SLC9A8: variants seen among roughly 807,000 people sequenced by gnomAD.
SLC9A8 encodes the protein sodium/hydrogen exchanger 8.
Under a neutral mutation model 66.6 loss-of-function variants are expected in SLC9A8, and 48 were observed. That is an observed-to-expected ratio of 0.72 (90% confidence interval 0.57 to 0.92). SLC9A8 has a LOEUF of 0.92. Among genes scored for constraint, SLC9A8 ranks in the 40% least tolerant of loss-of-function variants. The pLI, the probability that SLC9A8 is intolerant of heterozygous loss-of-function variation, is 0.00. For missense variants in SLC9A8, 599 were observed against 747.3 expected (o/e 0.80, Z 2.31); for synonymous variants, 274 against 282.6 (o/e 0.97, Z 0.31).
Position 49,864,812 on chromosome 20 carries a change from C to T in SLC9A8, c.926C>T (p.Pro309Leu), listed in dbSNP as rs1358872226. ...ATGATGATCATTTTTGCTTATCTGCCTTATGGGCTTGCAGAAGGAATCTCA... is the reference window on the plus strand; with the variant it reads ...ATGATGATCATTTTTGCTTATCTGCTTTATGGGCTTGCAGAAGGAATCTCA... ...FGMMIIFAYLPYGLAEGISLS... is the reference protein window; with the variant it reads ...FGMMIIFAYLLYGLAEGISLS... Residue 309 changes from proline to leucine, a missense_variant, in exon 10 of 16, where the codon CCT (proline) becomes CTT (leucine). Pro to Leu is a moderately conservative substitution (Grantham distance 98, BLOSUM62 -3). Around this residue, in one of 2 missense-constraint regions of SLC9A8, gnomAD observed 467 missense variants for 626.5 expected, o/e 0.75. Coordinates refer to ENST00000361573, the MANE Select transcript of SLC9A8 (RefSeq NM_015266.3). 1 of 1,613,758 alleles carries T rather than the reference C, an allele frequency of 6.2e-7. No individual in the cohort carries two copies. The highest frequency in any genetic ancestry group is 1.7e-5 in the Admixed American group (1 of 60,008).
At chr20:49,860,253 ATTGT>A (rs1197716416) in intron 8 of SLC9A8, among the ~76,000 whole-genome samples, 1 of 152,050 alleles carries the variant, frequency 6.6e-6, no homozygotes, top group Non-Finnish European at 1.5e-5. Flanking sequence ...GATTGGGGAG[ATTGT>A]TTGTTCAGAT....
At chr20:49,884,311 C>CAG (rs2089799779) in intron 14 of SLC9A8, among the ~76,000 whole-genome samples, 1 of 133,260 alleles carries the variant, frequency 7.5e-6, no homozygotes, top group Non-Finnish European at 1.6e-5. Context: ...CACACACACA[C>CAG]ACACACACAC....
intron 2 of SLC9A8, among the ~76,000 whole-genome samples, chr20:49,817,135 A>T (rs1404361238): frequency 6.6e-6 from 1 of 151,364 alleles, no homozygotes; most frequent in Non-Finnish European, 1.5e-5. Context: ...GGCCAACACG[A>T]TGACTCCATC....
chr20:49,836,338 C>T (rs1438395473), intron 3 of SLC9A8, among the ~76,000 whole-genome samples: 1 of 151,986 alleles, frequency 6.6e-6, no homozygotes, highest in African/African-American at 2.4e-5. Flanking sequence ...TTGGGTTCTT[C>T]CCACTTTTTT....
intron 3 of SLC9A8, among the ~76,000 whole-genome samples, chr20:49,823,855 A>T (rs999237172): frequency 6.6e-6 from 1 of 152,160 alleles, no homozygotes; most frequent in Non-Finnish European, 1.5e-5. Context: ...AGTTTATTAT[A>T]TTGCAGTCAC....
intron 3 of SLC9A8, among the ~76,000 whole-genome samples, chr20:49,828,161 A>G (rs1454631718): frequency 3.4e-5 from 5 of 147,410 alleles, no homozygotes; most frequent in African/African-American, 1.3e-4. Context: ...GCTCACTGCA[A>G]CCTCCGTCTC....
At chr20:49,873,947 C>T (rs2089318719) in intron 10 of SLC9A8, among the ~76,000 whole-genome samples, 1 of 151,790 alleles carries the variant, frequency 6.6e-6, no homozygotes, top group South Asian at 2.1e-4. Context: ...TGCTCAAGTT[C>T]CTTATACAAA....
chr20:49,830,005 G>C, intron 3 of SLC9A8: 1 of 634,986 alleles, frequency 1.6e-6, no homozygotes, highest in African/African-American at 1.8e-5. Flanking sequence ...CCTTGAAGTG[G>C]ATGATGGCCG....
rs368641195 is a variant in SLC9A8, at chr20:49,887,987, C to T, written c.*51C>T. ...GCAGGCCCAGGATGGGCGTTTGCTGCGCACAGACACTCAGCAGGGGCCTCG... is the reference window on the plus strand; with the variant it reads ...GCAGGCCCAGGATGGGCGTTTGCTGTGCACAGACACTCAGCAGGGGCCTCG... On this transcript the variant is annotated 3_prime_UTR_variant, in exon 16 of 16. Transcript: ENST00000361573. The T allele has an allele frequency of 3.9e-5, 54 of 1,395,412 alleles. No homozygotes were observed. Among genetic ancestry groups the T allele is most frequent in the African/African-American group, 7.1e-5 (5 of 70,732 alleles). 86.4% of individuals were successfully genotyped at this position (1,395,412 alleles called of 1,614,324 possible).
intron 2 of SLC9A8, among the ~76,000 whole-genome samples, chr20:49,816,913 A>G (rs919692394): frequency 2.0e-5 from 3 of 151,954 alleles, no homozygotes; most frequent in African/African-American, 7.2e-5. Context: ...TATTTTTAGT[A>G]GAGTTGGCAT....
intron 4 of SLC9A8, among the ~76,000 whole-genome samples, chr20:49,841,751 T>A (rs1350250883): frequency 6.6e-6 from 1 of 151,820 alleles, no homozygotes; most frequent in Non-Finnish European, 1.5e-5. Flanking sequence ...TGTGCCACCA[T>A]GCCCAGCTAA....
chr20:49,830,744 T>G, intron 3 of SLC9A8: 1 of 745,888 alleles, frequency 1.3e-6, no homozygotes. Context: ...TGATGCTGAT[T>G]GTAAACATAG....
At chr20:49,836,150 T>C (rs996166981) in intron 3 of SLC9A8, among the ~76,000 whole-genome samples, 2 of 152,356 alleles carry the variant, frequency 1.3e-5, no homozygotes, top group African/African-American at 4.8e-5. Flanking sequence ...GGACATTTCA[T>C]ATAAATGGAA....
At chr20:49,885,202 T>G (rs924842827) in intron 14 of SLC9A8, among the ~76,000 whole-genome samples, 2 of 152,212 alleles carry the variant, frequency 1.3e-5, no homozygotes, top group Non-Finnish European at 2.9e-5. Flanking sequence ...TTTTTGTTTT[T>G]CACAAAAGCT....
At chr20:49,872,085 C>T (rs566305293) in intron 10 of SLC9A8, among the ~76,000 whole-genome samples, 1 of 152,286 alleles carries the variant, frequency 6.6e-6, no homozygotes, top group East Asian at 1.9e-4. Context: ...CACCATTGCA[C>T]TCCAGCCTGG....
chr20:49,815,988 C>T (rs937170217), intron 2 of SLC9A8, among the ~76,000 whole-genome samples: 2 of 152,108 alleles, frequency 1.3e-5, no homozygotes, highest in Admixed American at 6.6e-5. Context: ...GAGCAGAAAC[C>T]CTTGCCCCAG....
At position 49,867,668 on chromosome 20, in the gene SLC9A8, G is replaced by A. The variant is rs554981916; in HGVS notation, c.958+2824G>A. On this transcript the variant is annotated intron_variant, in intron 10 of 15. Coordinates refer to ENST00000361573, the MANE Select transcript of SLC9A8 (RefSeq NM_015266.3). ...CCTCAGGCAGTCAGCTCAGCAGGGG[G>A]CCTAGGGAAAGAGTGGCCACCTTTG... Among the ~76,000 whole-genome samples, 14 of 152,324 alleles carry A rather than the reference G, an allele frequency of 9.2e-5. No individual in the cohort carries two copies. The East Asian group carries it at 2.7e-3, about 29-fold the overall frequency.
At chr20:49,855,974 T>C (rs1357346620) in intron 8 of SLC9A8, among the ~76,000 whole-genome samples, 1 of 152,100 alleles carries the variant, frequency 6.6e-6, no homozygotes, top group African/African-American at 2.4e-5. Flanking sequence ...AAGAAGTTTT[T>C]GTAGAGATGG....
chr20:49,874,851 A>G, intron 11 of SLC9A8, 30 bp downstream of exon 11: 1 of 1,410,372 alleles, frequency 7.1e-7, no homozygotes, highest in Non-Finnish European at 1.0e-6. Flanking sequence ...GGCCGTGAGC[A>G]GGCCCACCCA....
Sources: allele counts gnomAD v4.1 joint callset (sites outside exome capture counted in the v4.1 genomes callset), GRCh38; gene constraint gnomAD v4.1.1; regional missense constraint gnomAD v4.1.1; transcripts MANE v1.5; gene names NCBI Gene and HGNC (gene_info 2026-07-23, HGNC 2026-07-21).